The following LIPC variants were observed in gnomAD, a reference collection of about 807,000 sequenced individuals.
The protein encoded by LIPC is hepatic triacylglycerol lipase.
LIPC carries 44 observed loss-of-function variants against 50.7 expected under a neutral mutation model. The ratio of observed to expected loss-of-function variants is 0.87; its 90% CI spans 0.68 to 1.11. The LOEUF (loss-of-function observed/expected upper bound fraction) is 1.11. LIPC is among the 50% of genes most tolerant of loss of function. The pLI is 0.00. For missense variants in LIPC, 697 were observed against 648.2 expected (o/e 1.08, Z -0.82); for synonymous variants, 271 against 256.4 (o/e 1.06, Z -0.54).
intron 1 of LIPC, among the ~76,000 whole-genome samples, chr15:58,472,917 G>A (rs947273969): frequency 1.3e-5 from 2 of 152,158 alleles, no homozygotes; most frequent in South Asian, 2.1e-4. Flanking sequence ...GTCTGACTAC[G>A]GCTGTTACTA....
chr15:58,542,919 T>C (rs938481187), intron 4 of LIPC, among the ~76,000 whole-genome samples: 3 of 152,218 alleles, frequency 2.0e-5, no homozygotes, highest in African/African-American at 7.2e-5. Context: ...GACTAAAAGA[T>C]GGACTTTTCT....
At chr15:58,538,573 T>G (rs1893220760) in intron 2 of LIPC, 56 bp downstream of exon 2, 3 of 1,529,886 alleles carry the variant, frequency 2.0e-6, no homozygotes, top group Non-Finnish European at 2.7e-6. Context: ...CTTTTTTTCT[T>G]TCTAGCGTGT....
intron 1 of LIPC, among the ~76,000 whole-genome samples, chr15:58,515,657 A>C (rs1385987630): frequency 1.3e-5 from 2 of 152,036 alleles, no homozygotes; most frequent in African/African-American, 4.8e-5. Flanking sequence ...TAATACAACT[A>C]TCCCAGTGTC....
At chr15:58,455,415 A>C (rs932566156) in intron 1 of LIPC, among the ~76,000 whole-genome samples, 4 of 152,186 alleles carry the variant, frequency 2.6e-5, no homozygotes, top group Admixed American at 6.5e-5. Context: ...CTAGCCCCTC[A>C]TCTAGACTTA....
At chr15:58,540,703 C>G (rs889261632) in intron 2 of LIPC, among the ~76,000 whole-genome samples, 4 of 152,190 alleles carry the variant, frequency 2.6e-5, no homozygotes, top group Admixed American at 6.5e-5. Flanking sequence ...CCACACTGCC[C>G]TTTCATGATT....
intron 1 of LIPC, among the ~76,000 whole-genome samples, chr15:58,448,462 G>C (rs1595856449): frequency 6.6e-6 from 1 of 152,336 alleles, no homozygotes; most frequent in South Asian, 2.1e-4. Context: ...TCAAACCTGT[G>C]CTCAAGGACA....
intron 1 of LIPC, among the ~76,000 whole-genome samples, chr15:58,477,574 T>C (rs1478538796): frequency 6.6e-6 from 1 of 152,118 alleles, no homozygotes; most frequent in Non-Finnish European, 1.5e-5. Context: ...AATGAAAGGG[T>C]TAGAAAATAA....
chr15:58,550,264 G>T (rs1417382968), intron 6 of LIPC, among the ~76,000 whole-genome samples: 1 of 152,146 alleles, frequency 6.6e-6, no homozygotes, highest in African/African-American at 2.4e-5. Context: ...AAATCACCTG[G>T]GAAGAAAAGA....
At chr15:58,560,713 A>G in intron 6 of LIPC, 151 bp from the exon 7 acceptor site, 1 of 590,610 alleles carries the variant, frequency 1.7e-6, no homozygotes. Context: ...AAGATAAACC[A>G]CCATTTAGGA....
chr15:58,450,286 T>C lies in LIPC; in HGVS notation c.88+18166T>C, dbSNP rs143683476. Among the ~76,000 whole-genome samples the C allele has an allele frequency of 6.9e-3, 1,046 of 152,300 alleles. 6 individuals are homozygous for C. The highest frequency in any genetic ancestry group is 0.044 in the Middle Eastern group (13 of 294). On this transcript the variant is annotated intron_variant, in intron 1 of 8. Coordinates refer to ENST00000299022, the MANE Select transcript of LIPC (RefSeq NM_000236.3). ...ACTGAAGAGCTTTTTAAAACACAGA[T>C]TGTGGCCCCCACTCTAGAGCTCCTG...
At chr15:58,520,714 T>C in intron 1 of LIPC, among the ~76,000 whole-genome samples, 1 of 152,190 alleles carries the variant, frequency 6.6e-6, no homozygotes. Context: ...AGAGATTAAA[T>C]TCACAGTAGC....
At chr15:58,497,206 A>G (rs1891804332) in intron 1 of LIPC, among the ~76,000 whole-genome samples, 1 of 152,166 alleles carries the variant, frequency 6.6e-6, no homozygotes, top group Non-Finnish European at 1.5e-5. Flanking sequence ...CCAAATCTTT[A>G]AATGCAGTTC....
intron 1 of LIPC, among the ~76,000 whole-genome samples, chr15:58,534,355 T>C (rs1264089443): frequency 1.3e-5 from 2 of 152,132 alleles, no homozygotes; most frequent in African/African-American, 2.4e-5. Context: ...CTAAGTGTTC[T>C]AGGAATAAGC....
chr15:58,537,778 C>T (rs1188801342), intron 1 of LIPC, among the ~76,000 whole-genome samples: 2 of 152,066 alleles, frequency 1.3e-5, no homozygotes, highest in East Asian at 1.9e-4. Flanking sequence ...CTCTGTGATT[C>T]CCCCAACCCT....
chr15:58,506,476 C>T (rs1349510459), intron 1 of LIPC, among the ~76,000 whole-genome samples: 2 of 152,188 alleles, frequency 1.3e-5, no homozygotes, highest in African/African-American at 4.8e-5. Context: ...AAAGCAGGTG[C>T]TGATGAGAAG....
chr15:58,471,036 G>T (rs1318057188), intron 1 of LIPC, among the ~76,000 whole-genome samples: 1 of 151,298 alleles, frequency 6.6e-6, no homozygotes, highest in African/African-American at 2.4e-5. Context: ...TTTTGCAGGA[G>T]AAATTATAAG....
intron 1 of LIPC, among the ~76,000 whole-genome samples, chr15:58,440,984 G>GA (rs369541518): frequency 1.3e-5 from 2 of 152,292 alleles, no homozygotes; most frequent in African/African-American, 4.8e-5. Context: ...TCATCCTGGA[G>GA]GCAGGGCAGA....
intron 1 of LIPC, among the ~76,000 whole-genome samples, chr15:58,505,994 C>T (rs1053921243): frequency 2.6e-5 from 4 of 152,136 alleles, no homozygotes; most frequent in African/African-American, 9.7e-5. Flanking sequence ...AGAGGAATTC[C>T]ACTGCTTGGG....
At chr15:58,493,877 A>C (rs1375704523) in intron 1 of LIPC, among the ~76,000 whole-genome samples, 1 of 152,184 alleles carries the variant, frequency 6.6e-6, no homozygotes, top group Non-Finnish European at 1.5e-5. Flanking sequence ...ACGCACAGGA[A>C]GATGGCAATG....
Sources: allele counts gnomAD v4.1 joint callset (sites outside exome capture counted in the v4.1 genomes callset), GRCh38; gene constraint gnomAD v4.1.1; transcripts MANE v1.5; gene names NCBI Gene and HGNC (gene_info 2026-07-23, HGNC 2026-07-21).